Variants in PPP2R2C observed in about 807,000 individuals in gnomAD.
The protein encoded by PPP2R2C is protein phosphatase 2 regulatory subunit Bgamma.
Under a neutral mutation model 45.3 loss-of-function variants are expected in PPP2R2C, and 10 were observed. The observed-to-expected ratio is 0.22, with a 90% CI of 0.14 to 0.37. The LOEUF (loss-of-function observed/expected upper bound fraction) is 0.37. Ranked by LOEUF, PPP2R2C falls within the 10% of genes least tolerant of loss-of-function variation. PPP2R2C has a pLI of 1.00. For missense variants in PPP2R2C, 308 were observed against 619.7 expected (o/e 0.50, Z 5.34); for synonymous variants, 257 against 245.4 (o/e 1.05, Z -0.44).
chr4:6,455,123 T>G (rs556184544), intron 1 of PPP2R2C, among the ~76,000 whole-genome samples: 1 of 152,308 alleles, frequency 6.6e-6, no homozygotes, highest in South Asian at 2.1e-4. Flanking sequence ...TGCTGTAATC[T>G]ACAGATGACT....
At chr4:6,424,450 G>A (rs906872157) in intron 1 of PPP2R2C, among the ~76,000 whole-genome samples, 5 of 152,166 alleles carry the variant, frequency 3.3e-5, no homozygotes, top group South Asian at 2.1e-4. Context: ...TCAAGCCACC[G>A]GACACTGCTG....
chr4:6,402,100 C>G (rs1279842060), intron 1 of PPP2R2C, among the ~76,000 whole-genome samples: 1 of 152,204 alleles, frequency 6.6e-6, no homozygotes, highest in African/African-American at 2.4e-5. Flanking sequence ...AAGAAGAATA[C>G]TGTTTGGGAA....
chr4:6,511,136 G>A lies in PPP2R2C; in HGVS notation c.49+24135C>T, dbSNP rs74593399. On this transcript the variant is annotated intron_variant, in intron 2 of 9. Coordinates refer to the PPP2R2C transcript ENST00000506140. The stretch of plus-strand genomic sequence containing the variant: ...CATCTGTAACATGGAGATAATAATC[G>A]CCCATTGCATGCGGTTTAGTGAGTG... 3.1e-3 allele frequency among the ~76,000 whole-genome samples: 472 copies of A among 152,150 alleles called. 8 individuals are homozygous for A. The highest frequency in any genetic ancestry group is 0.022 in the Admixed American group (340 of 15,296).
chr4:6,385,401 T>C (rs1346734006), intron 1 of PPP2R2C, among the ~76,000 whole-genome samples: 2 of 152,128 alleles, frequency 1.3e-5, no homozygotes, highest in African/African-American at 2.4e-5. Context: ...AGTAAGGCCA[T>C]AAAATTGGTT....
At chr4:6,426,794 A>G (rs1407200651) in intron 1 of PPP2R2C, among the ~76,000 whole-genome samples, 1 of 152,188 alleles carries the variant, frequency 6.6e-6, no homozygotes. Flanking sequence ...CCTGAGCCAC[A>G]GGGGCAGGTG....
chr4:6,502,666 C>T (rs559546100), intron 2 of PPP2R2C, among the ~76,000 whole-genome samples: 2 of 152,266 alleles, frequency 1.3e-5, no homozygotes, highest in East Asian at 3.9e-4. Context: ...GTCAATCAAT[C>T]AATCAGTTCC....
chr4:6,375,682 C>T, intron 4 of PPP2R2C, 137 bp downstream of exon 4: 1 of 684,444 alleles, frequency 1.5e-6, no homozygotes, highest in Non-Finnish European at 2.5e-6. Flanking sequence ...AGGAAGACGC[C>T]CGTGGCCGCC....
chr4:6,325,875 T>C (rs1027159614), intron 8 of PPP2R2C, among the ~76,000 whole-genome samples: 1 of 152,118 alleles, frequency 6.6e-6, no homozygotes, highest in Non-Finnish European at 1.5e-5. Flanking sequence ...CCTCTTTCCT[T>C]TGGGGAAAGA....
intron 1 of PPP2R2C, among the ~76,000 whole-genome samples, chr4:6,456,073 G>A (rs368480399): frequency 1.6e-4 from 24 of 152,056 alleles, no homozygotes; most frequent in Admixed American, 1.2e-3. Context: ...AACACTAATC[G>A]GATCAATGAA....
At chr4:6,505,319 T>C (rs1387165814) in intron 2 of PPP2R2C, among the ~76,000 whole-genome samples, 3 of 152,156 alleles carry the variant, frequency 2.0e-5, no homozygotes, top group Admixed American at 1.3e-4. Flanking sequence ...TTCTTCAGAA[T>C]GGAAACACAG....
chr4:6,501,506 C>T (rs1019448615), intron 2 of PPP2R2C, among the ~76,000 whole-genome samples: 1 of 152,168 alleles, frequency 6.6e-6, no homozygotes, highest in Non-Finnish European at 1.5e-5. Flanking sequence ...CGGAAATCCC[C>T]CAGGGAGGAG....
At chr4:6,468,534 GAA>G (rs1348398170) in intron 1 of PPP2R2C, among the ~76,000 whole-genome samples, 1 of 152,166 alleles carries the variant, frequency 6.6e-6, no homozygotes, top group Non-Finnish European at 1.5e-5. Context: ...GGCCTCAGCT[GAA>G]AAGTGTGCTC....
intron 2 of PPP2R2C, among the ~76,000 whole-genome samples, chr4:6,484,423 C>T (rs1722466890): frequency 1.3e-5 from 2 of 151,738 alleles, no homozygotes; most frequent in African/African-American, 4.8e-5. Context: ...TGTTAGTCCT[C>T]CAACTTCGTT....
chr4:6,466,542 A>G (rs1721604387), intron 1 of PPP2R2C, among the ~76,000 whole-genome samples: 2 of 152,188 alleles, frequency 1.3e-5, no homozygotes, highest in Admixed American at 6.5e-5. Context: ...GGGCATTAAA[A>G]AAAGACTGGA....
intron 1 of PPP2R2C, among the ~76,000 whole-genome samples, chr4:6,411,654 G>A (rs1252891809): frequency 2.0e-5 from 3 of 151,284 alleles, no homozygotes; most frequent in East Asian, 2.0e-4. Context: ...CTGGGCTCAC[G>A]CCATTCTCCT....
rs71173440 is a variant in PPP2R2C, at chr4:6,414,076, A to ATGTGTG, written c.71-32988_71-32983dup. 3.7e-3 allele frequency: 3,298 copies of ATGTGTG among 881,364 alleles called. 17 individuals carry two copies. Among genetic ancestry groups the ATGTGTG allele is most frequent in the African/African-American group, 0.011 (526 of 48,902 alleles). 54.6% of individuals were successfully genotyped at this position (881,364 alleles called of 1,614,324 possible). A position where few individuals can be genotyped will look rare whatever the true frequency, so the allele number is the denominator to read the frequency against. ...ACAGTAACATAAGTTTTGCCTGTGT[A>ATGTGTG]TGTGTGTGTGTGTGTGTGTGTGTGT... On this transcript the variant is annotated intron_variant, in intron 1 of 8. Coordinates refer to ENST00000382599, the MANE Select transcript of PPP2R2C (RefSeq NM_020416.4).
intron 1 of PPP2R2C, among the ~76,000 whole-genome samples, chr4:6,392,491 G>A (rs1309853037): frequency 6.6e-6 from 1 of 152,218 alleles, no homozygotes; most frequent in Non-Finnish European, 1.5e-5. Context: ...CTTCCTGGGG[G>A]AGACGCATTT....
chr4:6,387,807 G>GAAAA (rs10623195), intron 1 of PPP2R2C, among the ~76,000 whole-genome samples: 31 of 143,508 alleles, frequency 2.2e-4, no homozygotes, highest in African/African-American at 3.8e-4. Context: ...CAACAGTGAA[G>GAAAA]AAAAAAAAAA....
Position 6,472,350 on chromosome 4 carries a change from G to T in PPP2R2C, c.-121C>A. ...CCTAGCAGGGGCGCGGGCCGCCGGG[G>T]CCCCGAAGGGAGGGCATCGCGGCAG... On this transcript the variant is annotated 5_prime_UTR_variant, in exon 1 of 9. Transcript: ENST00000382599. 8.1e-7 allele frequency: 1 copy of T among 1,238,382 alleles called. No individual in the cohort carries two copies. The highest frequency in any genetic ancestry group is 3.5e-5 in the East Asian group (1 of 28,360). The allele number at this position is 1,238,382 out of a possible 1,614,324, so 76.7% of individuals were successfully genotyped here.
Sources: gnomAD v4.1 joint callset for allele counts (sites outside exome capture counted in the v4.1 genomes callset) on GRCh38, gnomAD v4.1.1 for gene constraint, MANE v1.5 for transcripts, NCBI Gene and HGNC (gene_info 2026-07-23, HGNC 2026-07-21) for gene names.